Variants in NPAS3 observed in about 807,000 individuals in gnomAD.
NPAS3 encodes neuronal PAS domain protein 3.
In NPAS3, 14 loss-of-function variants were observed where a neutral mutation model predicts 73.1. The ratio of observed to expected loss-of-function variants is 0.19; its 90% CI spans 0.13 to 0.30. The LOEUF is 0.30. NPAS3 is among the 10% of genes least tolerant of loss of function. NPAS3 has a pLI of 1.00. For missense variants in NPAS3, 1,096 were observed against 1,250.0 expected, an observed-to-expected ratio of 0.88 and a Z score of 1.86; for synonymous variants, 620 against 541.5, an observed-to-expected ratio of 1.14 and a Z score of -2.01.
At chr14:33,670,022 T>TCTCCTGCCTCAGCCTCCCATATGC (rs2059567295) in intron 5 of NPAS3, among the ~76,000 whole-genome samples, 2 of 152,154 alleles carry the variant, frequency 1.3e-5, no homozygotes, top group African/African-American at 4.8e-5. Context: ...CTCCAGCGAT[T>TCTCCTGCCTCAGCCTCCCATATGC]CTCCTGCCTC....
At chr14:33,418,534 G>A (rs1888694898) in intron 4 of NPAS3, among the ~76,000 whole-genome samples, 1 of 151,826 alleles carries the variant, frequency 6.6e-6, no homozygotes, top group South Asian at 2.1e-4. Flanking sequence ...CATTTTCTTG[G>A]ACTCTTTGCT....
intron 5 of NPAS3, among the ~76,000 whole-genome samples, chr14:33,644,474 T>C (rs2058765418): frequency 1.3e-5 from 2 of 152,350 alleles, no homozygotes; most frequent in African/African-American, 2.4e-5. Context: ...GTCAGAACCA[T>C]GCCTTGGGAT....
chr14:33,693,503 A>T (rs2060290889), intron 6 of NPAS3, among the ~76,000 whole-genome samples: 1 of 152,208 alleles, frequency 6.6e-6, no homozygotes, highest in African/African-American at 2.4e-5. Context: ...TGAAATAACT[A>T]GTCACTTCAA....
At chr14:33,498,712 G>GGTAGT (rs57178092) in intron 4 of NPAS3, among the ~76,000 whole-genome samples, 1 of 151,098 alleles carries the variant, frequency 6.6e-6, no homozygotes, top group Non-Finnish European at 1.5e-5. Context: ...CTAGGGAAGG[G>GGTAGT]GTTAGGAGAA....
intron 2 of NPAS3, among the ~76,000 whole-genome samples, chr14:33,073,494 G>T (rs952355420): frequency 6.6e-6 from 1 of 152,154 alleles, no homozygotes; most frequent in African/African-American, 2.4e-5. Context: ...AGTGCCTTAA[G>T]AAGTGCCTAA....
At position 33,720,225 on chromosome 14, in the gene NPAS3, C is replaced by A. The variant is rs143695913; in HGVS notation, c.734-14989C>A. 1.9e-3 allele frequency among the ~76,000 whole-genome samples: 283 copies of A among 152,248 alleles called. 4 individuals are homozygous for A. The East Asian group carries it at 0.049, about 26-fold the overall frequency. ...CTTGGCATTCTCATAAAGCAAACAG[C>A]CTGCTCAGGTAGTATTTATTACCTG... On this transcript the variant is annotated intron_variant, in intron 6 of 11. Coordinates refer to ENST00000356141, the Ensembl canonical transcript of NPAS3.
At chr14:33,655,502 T>C (rs1224726459) in intron 5 of NPAS3, among the ~76,000 whole-genome samples, 1 of 152,184 alleles carries the variant, frequency 6.6e-6, no homozygotes, top group Non-Finnish European at 1.5e-5. Flanking sequence ...TTTTCTACTA[T>C]TCTTGCCTGA....
intron 2 of NPAS3, among the ~76,000 whole-genome samples, chr14:33,069,058 G>A (rs1020333222): frequency 1.3e-4 from 20 of 152,170 alleles, no homozygotes; most frequent in African/African-American, 3.1e-4. Flanking sequence ...CTAGTTACTG[G>A]CTGAGCATAT....
intron 7 of NPAS3, among the ~76,000 whole-genome samples, chr14:33,758,397 A>G (rs1480204000): frequency 2.0e-5 from 3 of 152,178 alleles, no homozygotes; most frequent in African/African-American, 7.2e-5. Flanking sequence ...CCTCTTTGCT[A>G]CTTCTGCACG....
At chr14:33,566,697 C>T (rs2055963096) in intron 5 of NPAS3, among the ~76,000 whole-genome samples, 2 of 152,246 alleles carry the variant, frequency 1.3e-5, no homozygotes, top group South Asian at 2.1e-4. Context: ...AAAACCTTAC[C>T]AGTTTCTTTC....
At chr14:33,694,892 T>C (rs2060332267) in intron 6 of NPAS3, among the ~76,000 whole-genome samples, 1 of 152,200 alleles carries the variant, frequency 6.6e-6, no homozygotes. Context: ...TGTCTGCTTT[T>C]TTGGTAGAAG....
intron 6 of NPAS3, among the ~76,000 whole-genome samples, chr14:33,676,807 G>C (rs2059781784): frequency 6.6e-6 from 1 of 152,140 alleles, no homozygotes. Context: ...AGAAATCTTG[G>C]TTTCTTTATT....
Position 33,148,027 on chromosome 14 carries a change from CAATAGAATGTGAAACA to C in NPAS3, c.141-67151_141-67136del, listed in dbSNP as rs2044309865. On this transcript the variant is annotated intron_variant, in intron 2 of 11. Coordinates refer to ENST00000356141, the Ensembl canonical transcript of NPAS3. ...GCAAGAAGCAGAGTCTTCAAGAAACCAATAGAATGTGAAACAAATGAGGGAAAGTTCACCTTTTATT... is the reference window on the plus strand; with the variant it reads ...GCAAGAAGCAGAGTCTTCAAGAAACCAATGAGGGAAAGTTCACCTTTTATT... 2.0e-5 allele frequency among the ~76,000 whole-genome samples: 3 copies of C among 151,886 alleles called. No homozygotes were observed. In the South Asian group the frequency reaches 6.2e-4, roughly 32 times the overall value.
chr14:33,397,578 T>C (rs2047276895), intron 4 of NPAS3, among the ~76,000 whole-genome samples: 1 of 152,152 alleles, frequency 6.6e-6, no homozygotes, highest in Admixed American at 6.6e-5. Context: ...GAATTTCTTA[T>C]TGTTGCTAAT....
At chr14:33,067,121 C>T (rs147070094) in intron 2 of NPAS3, among the ~76,000 whole-genome samples, 23 of 152,300 alleles carry the variant, frequency 1.5e-4, no homozygotes, top group East Asian at 1.9e-4. Flanking sequence ...AGACCCTCTC[C>T]GGTCTGTGTG....
intron 2 of NPAS3, among the ~76,000 whole-genome samples, chr14:33,082,709 A>G (rs2041897681): frequency 6.6e-6 from 1 of 152,214 alleles, no homozygotes. Context: ...CCAAGTTTAG[A>G]ATCTCAGCTC....
At chr14:33,436,363 G>C (rs911844591) in intron 4 of NPAS3, among the ~76,000 whole-genome samples, 2 of 152,132 alleles carry the variant, frequency 1.3e-5, no homozygotes, top group Non-Finnish European at 2.9e-5. Context: ...GGGGATCAAG[G>C]GGCAAGTGTG....
intron 1 of NPAS3, among the ~76,000 whole-genome samples, chr14:33,007,976 G>C (rs1371325974): frequency 6.6e-6 from 1 of 152,136 alleles, no homozygotes; most frequent in Non-Finnish European, 1.5e-5. Context: ...TATTAACTTA[G>C]AGGAAAGCCA....
At chr14:33,005,980 C>T (rs1462962466) in intron 1 of NPAS3, among the ~76,000 whole-genome samples, 1 of 152,168 alleles carries the variant, frequency 6.6e-6, no homozygotes, top group Non-Finnish European at 1.5e-5. Flanking sequence ...GTAACTCCCT[C>T]CCCATGAGCC....
Sources: allele counts gnomAD v4.1 joint callset (sites outside exome capture counted in the v4.1 genomes callset), GRCh38; gene constraint gnomAD v4.1.1; transcripts MANE v1.5; gene names NCBI Gene and HGNC (gene_info 2026-07-23, HGNC 2026-07-21).